Variants in MIR2052HG observed in about 807,000 individuals in gnomAD.
MIR2052HG encodes MIR2052 host gene.
chr8:74,628,227 G>A (rs1468582876), intron 2 of MIR2052HG, among the ~76,000 whole-genome samples: 2 of 152,142 alleles, frequency 1.3e-5, no homozygotes, highest in Non-Finnish European at 2.9e-5. Context: ...CAAAGGAAAC[G>A]AAGCATCTGG....
intron 2 of MIR2052HG, among the ~76,000 whole-genome samples, chr8:74,658,480 T>G (rs1252269402): frequency 2.0e-5 from 3 of 151,758 alleles, no homozygotes; most frequent in Non-Finnish European, 4.4e-5. Context: ...AACCTCCACC[T>G]CCCAGCTTCA....
At chr8:74,622,731 C>A (rs1158194809) in intron 2 of MIR2052HG, among the ~76,000 whole-genome samples, 1 of 151,522 alleles carries the variant, frequency 6.6e-6, no homozygotes, top group African/African-American at 2.4e-5. Context: ...AAAAGAGAAA[C>A]AATAACAAAT....
chr8:74,698,185 G>A (rs553645831), intron 2 of MIR2052HG, among the ~76,000 whole-genome samples: 1 of 152,096 alleles, frequency 6.6e-6, no homozygotes, highest in African/African-American at 2.4e-5. Flanking sequence ...ACAGAATAGA[G>A]AACCAGAAAT....
At chr8:74,632,404 G>A (rs1376234389) in intron 2 of MIR2052HG, 1 of 152,032 alleles carries the variant, frequency 6.6e-6, no homozygotes, top group East Asian at 1.9e-4. Flanking sequence ...TTTCTTTCAG[G>A]GGAGAGCCTG....
At chr8:74,714,006 GAGAC>G (rs1809496576) in intron 4 of MIR2052HG, among the ~76,000 whole-genome samples, 1 of 151,998 alleles carries the variant, frequency 6.6e-6, no homozygotes, top group Admixed American at 6.6e-5. Flanking sequence ...AGTCTCCTAA[GAGAC>G]TCTCTCTTAG....
chr8:74,730,806 A>AT (rs60262846), intron 4 of MIR2052HG, among the ~76,000 whole-genome samples: 98,841 of 151,934 alleles, frequency 0.65, 33,794 homozygotes, highest in African/African-American at 0.87. Context: ...AAAACTAAAA[A>AT]GAGGGGTCTG....
intron 2 of MIR2052HG, among the ~76,000 whole-genome samples, chr8:74,697,016 A>AC (rs1809304865): frequency 1.3e-5 from 2 of 152,108 alleles, no homozygotes; most frequent in East Asian, 3.8e-4. Flanking sequence ...CCAGGAAAGG[A>AC]CATAACAGAA....
intron 4 of MIR2052HG, among the ~76,000 whole-genome samples, chr8:74,732,928 A>G (rs1809707475): frequency 6.6e-6 from 1 of 152,120 alleles, no homozygotes. Context: ...TATTCTAAAT[A>G]TGTTGGGAAG....
chr8:74,671,380 A>G lies in MIR2052HG; in HGVS notation n.217-30999A>G, dbSNP rs529969008. 3.9e-5 allele frequency among the ~76,000 whole-genome samples: 6 copies of G among 152,128 alleles called. No homozygotes were observed. The South Asian group carries it at 1.2e-3, about 32-fold the overall frequency. On this transcript the variant is annotated intron_variant and non_coding_transcript_variant, in intron 2 of 6. Coordinates refer to ENST00000523442, the Ensembl canonical transcript of MIR2052HG. ...ATTCTGTTATTTGAGGTATTTTTAT[A>G]CATATTCTAAGGATAGCTTCGCTTG...
At chr8:74,743,441 G>A (rs889234764) in intron 4 of MIR2052HG, among the ~76,000 whole-genome samples, 24 of 152,158 alleles carry the variant, frequency 1.6e-4, no homozygotes, top group Admixed American at 1.1e-3. Flanking sequence ...ATGGGTTTCA[G>A]AAAGGACATA....
chr8:74,695,696 A>G (rs1205074653), intron 2 of MIR2052HG, among the ~76,000 whole-genome samples: 2 of 152,152 alleles, frequency 1.3e-5, no homozygotes, highest in East Asian at 1.9e-4. Context: ...TAAAGCAATA[A>G]CAGTTAAAAA....
At chr8:74,647,400 A>G (rs1808700446) in intron 2 of MIR2052HG, among the ~76,000 whole-genome samples, 1 of 152,202 alleles carries the variant, frequency 6.6e-6, no homozygotes, top group South Asian at 2.1e-4. Context: ...TAAGTGATGT[A>G]TTACAAACTA....
At chr8:74,727,723 T>C (rs1471152225) in intron 4 of MIR2052HG, among the ~76,000 whole-genome samples, 1 of 152,204 alleles carries the variant, frequency 6.6e-6, no homozygotes, top group Non-Finnish European at 1.5e-5. Context: ...TCAAGAATCC[T>C]TTAAACCAAG....
intron 2 of MIR2052HG, among the ~76,000 whole-genome samples, chr8:74,665,359 T>C (rs570505905): frequency 6.6e-6 from 1 of 152,340 alleles, no homozygotes; most frequent in East Asian, 1.9e-4. Flanking sequence ...ACAGATAAAC[T>C]TACGGGGAGA....
intron 4 of MIR2052HG, among the ~76,000 whole-genome samples, chr8:74,711,829 G>A (rs1425735593): frequency 4.6e-5 from 7 of 152,266 alleles, no homozygotes; most frequent in Admixed American, 6.5e-5. Context: ...AATTATAACC[G>A]CAGATGTAAG....
At chr8:74,734,026 C>G (rs1809722158) in intron 4 of MIR2052HG, among the ~76,000 whole-genome samples, 1 of 152,206 alleles carries the variant, frequency 6.6e-6, no homozygotes, top group Admixed American at 6.5e-5. Flanking sequence ...GCAAAAGAAA[C>G]TACCATCAGA....
chr8:74,608,019 A>G (rs949470767), intron 1 of MIR2052HG, among the ~76,000 whole-genome samples: 8 of 152,182 alleles, frequency 5.3e-5, no homozygotes, highest in Non-Finnish European at 7.3e-5. Context: ...AATAGATTGT[A>G]AAGGTGTCCA....
intron 4 of MIR2052HG, among the ~76,000 whole-genome samples, chr8:74,732,528 C>T (rs1423078134): frequency 6.6e-6 from 1 of 152,128 alleles, no homozygotes; most frequent in South Asian, 2.1e-4. Flanking sequence ...ACATTCCTAT[C>T]CTTACAGAGC....
At chr8:74,715,330 A>C (rs2128742039) in intron 4 of MIR2052HG, among the ~76,000 whole-genome samples, 1 of 152,310 alleles carries the variant, frequency 6.6e-6, no homozygotes, top group East Asian at 1.9e-4. Flanking sequence ...TGGCAACAGA[A>C]TCCTAGGAAA....
Sources: allele counts gnomAD v4.1 joint callset (sites outside exome capture counted in the v4.1 genomes callset), GRCh38; gene constraint gnomAD v4.1.1; transcripts MANE v1.5; gene names NCBI Gene and HGNC (gene_info 2026-07-23, HGNC 2026-07-21).